The following COPZ2 variants were observed in gnomAD, a reference collection of about 807,000 sequenced individuals.
The protein encoded by COPZ2 is coatomer subunit zeta-2.
A neutral mutation model predicts 33.2 loss-of-function variants in COPZ2; 30 were observed. That is an observed-to-expected ratio of 0.90 (90% CI 0.68 to 1.23). COPZ2 has a LOEUF of 1.23. COPZ2 is among the 50% of genes most tolerant of loss of function. COPZ2 has a pLI of 0.00. For missense variants in COPZ2, 263 were observed against 262.4 expected (o/e 1.00, Z -0.02); for synonymous variants, 89 against 102.6 (o/e 0.87, Z 0.80).
upstream of COPZ2, among the ~76,000 whole-genome samples, chr17:48,042,178 G>A (rs2037068836): frequency 6.6e-6 from 1 of 152,088 alleles, no homozygotes; most frequent in Non-Finnish European, 1.5e-5. Context: ...TTGTTGCCCA[G>A]GCTGGAGTGC....
In COPZ2 at chr17:48,033,857, A is replaced by G. The variant is rs763961267; in HGVS notation, c.268+6T>C. The G allele has an allele frequency of 5.6e-6, 9 of 1,598,772 alleles. No individual in the cohort carries two copies. The highest frequency in any genetic ancestry group is 6.8e-6 in the Non-Finnish European group (8 of 1,169,482). On this transcript the variant is annotated splice_donor_region_variant and intron_variant, in intron 3 of 8. Transcript: ENST00000621465. ...TAGTCTGCTGGAGGAAGAGGGGGAC[A>G]CTTACTCTCAGTCCGGCTGGTCTTG...
chr17:48,040,128 ACC>A (rs1278343133), upstream of COPZ2, among the ~76,000 whole-genome samples: 1 of 34,888 alleles, frequency 2.9e-5, no homozygotes, highest in Non-Finnish European at 6.2e-5. Flanking sequence ...CTACCCACCC[ACC>A]CACCCACACA....
In COPZ2 at chr17:48,037,026, A is replaced by C; in HGVS notation, c.112-101T>G. ...CTAGGATACATCCTCAGGCCCCAGC[A>C]ACCCCAGTCCTCAAGGTCCACAGCT... On this transcript the variant is annotated intron_variant, in intron 1 of 8. Coordinates refer to ENST00000621465, the MANE Select transcript of COPZ2 (RefSeq NM_016429.4). This position sits in a 1 kb window ranked among gnomAD's most constrained non-coding sequence, Gnocchi z 5.6. The C allele has an allele frequency of 9.4e-7, 1 of 1,064,168 alleles. No individual in the cohort carries two copies. 65.9% of individuals were successfully genotyped at this position (1,064,168 alleles called of 1,614,324 possible). A position where few individuals can be genotyped will look rare whatever the true frequency, so the allele number is the denominator to read the frequency against.
the COPZ2 span, chr17:48,046,825 G>A: frequency 2.0e-5 from 3 of 152,168 alleles, no homozygotes; most frequent in South Asian, 6.2e-4. Flanking sequence ...CAAGTACTCA[G>A]TATTTGAGTG....
intron 2 of COPZ2, among the ~76,000 whole-genome samples, chr17:48,035,843 T>A (rs2144312480): frequency 6.8e-6 from 1 of 147,606 alleles, no homozygotes; most frequent in East Asian, 2.1e-4. Context: ...AACCTCTGCC[T>A]CCCAGGTTCA....
At chr17:48,033,781 G>T in intron 3 of COPZ2, 82 bp downstream of exon 3, 1 of 1,113,156 alleles carries the variant, frequency 9.0e-7, no homozygotes, top group Non-Finnish European at 1.3e-6. Flanking sequence ...GGTGTGCAAG[G>T]CTGATGGGGA....
At chr17:48,042,304 T>G (rs1213780692), upstream of COPZ2, among the ~76,000 whole-genome samples, 3 of 152,134 alleles carry the variant, frequency 2.0e-5, no homozygotes, top group African/African-American at 7.2e-5. Flanking sequence ...CAGCTAATTT[T>G]TTTTATTTTT....
chr17:48,041,314 G>A (rs901943716), upstream of COPZ2, among the ~76,000 whole-genome samples: 1 of 152,122 alleles, frequency 6.6e-6, no homozygotes, highest in South Asian at 2.1e-4. Context: ...ATGTACATGC[G>A]TGCGTTTCTG....
upstream of COPZ2, among the ~76,000 whole-genome samples, chr17:48,039,050 C>T (rs2037034383): frequency 6.6e-6 from 1 of 152,202 alleles, no homozygotes; most frequent in African/African-American, 2.4e-5. Context: ...TCTGGGCTCA[C>T]TGCAGCCTCA....
intron 6 of COPZ2, among the ~76,000 whole-genome samples, chr17:48,029,967 A>T (rs961461362): frequency 7.4e-6 from 1 of 135,482 alleles, no homozygotes; most frequent in African/African-American, 2.7e-5. Context: ...GACTCTGTCT[A>T]AAAAAAAAAA....
chr17:48,028,554 G>C lies in COPZ2; in HGVS notation c.547-44C>G. 1.3e-6 allele frequency: 2 copies of C among 1,587,718 alleles called. No individual in the cohort carries two copies. Among genetic ancestry groups the C allele is most frequent in the Non-Finnish European group, 1.7e-6 (2 of 1,166,196 alleles). On this transcript the variant is annotated intron_variant, in intron 7 of 8. Transcript: ENST00000621465. The surrounding 1 kb of genome is among the most constrained non-coding windows in gnomAD (Gnocchi z 4.5). ...AAGGGGTGGGGTAGGGCCAGCATGA[G>C]GGTCCTGGGTCAGGGAGGTGAAGGA...
upstream of COPZ2, among the ~76,000 whole-genome samples, chr17:48,042,930 A>G (rs549266188): frequency 6.6e-6 from 1 of 152,348 alleles, no homozygotes; most frequent in African/African-American, 2.4e-5. Context: ...CACATCCTGA[A>G]GTGCACCTTT....
rs182901120 is a variant in COPZ2 at position 48,037,601 on chromosome 17, C to A, written c.111+66G>T. 555 of 1,056,810 alleles carry A rather than the reference C, an allele frequency of 5.3e-4. 5 individuals are homozygous for A. The African/African-American group carries it at 8.8e-3, about 17-fold the overall frequency. The allele number at this position is 1,056,810 out of a possible 1,614,324, so 65.5% of individuals were successfully genotyped here. A position where few individuals can be genotyped will look rare whatever the true frequency, so the allele number is the denominator to read the frequency against. ...CGCGAGTTCTGAGTTGGCTGCTCCCCCTAACCCTGCTCTGTCCCTGCCCAG... is the reference window on the plus strand; with the variant it reads ...CGCGAGTTCTGAGTTGGCTGCTCCCACTAACCCTGCTCTGTCCCTGCCCAG... On this transcript the variant is annotated intron_variant, in intron 1 of 8. Transcript: ENST00000621465. This position sits in a 1 kb window ranked among gnomAD's most constrained non-coding sequence, Gnocchi z 5.6.
chr17:48,034,021 A>G (rs970071555), intron 2 of COPZ2, 77 bp from the exon 3 acceptor site: 1 of 1,045,942 alleles, frequency 9.6e-7, no homozygotes, highest in South Asian at 1.4e-5. Context: ...GGCAGGAAAG[A>G]GTAGGCGCTG....
the COPZ2 span, chr17:48,045,735 G>A: frequency 6.6e-6 from 1 of 151,990 alleles, no homozygotes; most frequent in African/African-American, 2.4e-5. Flanking sequence ...TTCTCAGTCT[G>A]ATTTAATGGA....
At chr17:48,026,949 C>A (rs549655978) in intron 8 of COPZ2, among the ~76,000 whole-genome samples, 5 of 152,382 alleles carry the variant, frequency 3.3e-5, no homozygotes, top group East Asian at 1.9e-4. Flanking sequence ...CCAGACCCTG[C>A]GGTGGGATGC....
chr17:48,041,808 ATT>A (rs34673033), upstream of COPZ2, among the ~76,000 whole-genome samples: 1,363 of 141,896 alleles, frequency 9.6e-3, 7 homozygotes, highest in African/African-American at 0.026. Context: ...GAGCTAGTCC[ATT>A]TTTTTTTTTT....
At chr17:48,040,218 C>T (rs180690006), upstream of COPZ2, among the ~76,000 whole-genome samples, 97 of 148,604 alleles carry the variant, frequency 6.5e-4, no homozygotes, top group Middle Eastern at 3.5e-3. Context: ...ACGATACACA[C>T]GTGCCACCAT....
chr17:48,043,601 C>A, the COPZ2 span: 1 of 980,176 alleles, frequency 1.0e-6, no homozygotes, highest in Non-Finnish European at 1.2e-6. Flanking sequence ...GCTCTCATTT[C>A]TTCATCGCCT....
Sources: allele counts gnomAD v4.1 joint callset (sites outside exome capture counted in the v4.1 genomes callset), GRCh38; gene constraint gnomAD v4.1.1; non-coding constraint Gnocchi (gnomAD v3.1); transcripts MANE v1.5; gene names NCBI Gene and HGNC (gene_info 2026-07-23, HGNC 2026-07-21).